TRMT11: variants seen among roughly 807,000 people sequenced by gnomAD.
The protein encoded by TRMT11 is tRNA methyltransferase 11, also known as tRNA (guanine(10)-N(2))-methyltransferase TRMT11.
A neutral mutation model predicts 62.8 loss-of-function variants in TRMT11; 53 were observed. That is an observed-to-expected ratio of 0.84 (90% CI 0.68 to 1.06). The LOEUF (loss-of-function observed/expected upper bound fraction) is 1.06. TRMT11 is among the 50% of genes least tolerant of loss of function. The probability of loss-of-function intolerance (pLI) is 0.00; values close to 1 mark genes in which losing one functional copy is unlikely to be tolerated. For synonymous variants in TRMT11, 188 were observed against 190.3 expected (o/e 0.99, Z 0.10); for missense variants, 556 against 553.4 (o/e 1.00, Z -0.05).
chr6:126,152,584 A>G (rs1330828764), intron 21 of TRMT11, among the ~76,000 whole-genome samples: 4 of 152,232 alleles, frequency 2.6e-5, no homozygotes, highest in African/African-American at 9.6e-5. Context: ...ATGGGGATTA[A>G]GAGATTACAA....
intron 17 of TRMT11, among the ~76,000 whole-genome samples, chr6:126,105,502 A>T (rs904363866): frequency 5.9e-5 from 9 of 152,110 alleles, no homozygotes; most frequent in African/African-American, 2.2e-4. Context: ...AAGTACCTGG[A>T]AGCCAGATGA....
the TRMT11 span, among the ~76,000 whole-genome samples, chr6:126,237,707 T>C: frequency 6.6e-6 from 1 of 151,922 alleles, no homozygotes; most frequent in South Asian, 2.1e-4. Context: ...ATAAAAAGTC[T>C]CTTAAAGAAA....
intron 17 of TRMT11, among the ~76,000 whole-genome samples, chr6:126,112,044 A>G (rs1258915589): frequency 6.6e-6 from 1 of 152,150 alleles, no homozygotes; most frequent in African/African-American, 2.4e-5. Context: ...GAGAAGGCAT[A>G]AAAGATGACA....
intron 12 of TRMT11, among the ~76,000 whole-genome samples, chr6:126,029,577 TA>T (rs1369228109): frequency 6.6e-6 from 1 of 152,182 alleles, no homozygotes; most frequent in African/African-American, 2.4e-5. Context: ...TATGGAAATT[TA>T]AAAAACTCAC....
intron 12 of TRMT11, among the ~76,000 whole-genome samples, chr6:126,028,837 CTATTT>C (rs1171319407): frequency 6.6e-6 from 1 of 152,122 alleles, no homozygotes; most frequent in Admixed American, 6.5e-5. Context: ...TTAGAAATAA[CTATTT>C]TATTTGCAGA....
intron 17 of TRMT11, among the ~76,000 whole-genome samples, chr6:126,093,609 A>ATTTTTTTTTTTTTTTTTTT (rs1562321359): frequency 2.2e-5 from 2 of 91,040 alleles, no homozygotes; most frequent in African/African-American, 1.4e-4. Context: ...ATATATATAT[A>ATTTTTTTTTTTTTTTTTTT]TATATATATA....
chr6:126,037,174 G>T (rs189025625), intron 12 of TRMT11, among the ~76,000 whole-genome samples: 6 of 152,046 alleles, frequency 3.9e-5, no homozygotes, highest in Admixed American at 2.0e-4. Flanking sequence ...GTAATTAAGG[G>T]TGCAGTCTTT....
chr6:126,012,962 T>C lies in TRMT11; in HGVS notation c.1008-8T>C, dbSNP rs1269419409. On this transcript the variant is annotated splice_region_variant and splice_polypyrimidine_tract_variant and intron_variant, in intron 10 of 12. Transcript: ENST00000334379. ...CACTGATTTTGAAATTTTCTTTTCT[T>C]TGTGTAGTCCAGAAAGCCATGTTCC... 1 of 1,609,958 alleles carries C rather than the reference T, an allele frequency of 6.2e-7. No homozygotes were observed. The highest frequency in any genetic ancestry group is 2.2e-5 in the East Asian group (1 of 44,798).
chr6:126,180,585 G>A (rs1478548759), intron 1 of TRMT11, among the ~76,000 whole-genome samples: 2 of 152,152 alleles, frequency 1.3e-5, no homozygotes, highest in African/African-American at 4.8e-5. Flanking sequence ...TGTAAAGAAG[G>A]TAGTAAGTTT....
the TRMT11 span, among the ~76,000 whole-genome samples, chr6:126,213,855 C>T: frequency 6.6e-6 from 1 of 151,994 alleles, no homozygotes; most frequent in Admixed American, 6.5e-5. Context: ...TTTATTCTTT[C>T]CCATTTGGGA....
At chr6:126,099,583 C>T (rs778091469) in intron 17 of TRMT11, among the ~76,000 whole-genome samples, 4 of 152,090 alleles carry the variant, frequency 2.6e-5, no homozygotes, top group Non-Finnish European at 5.9e-5. Flanking sequence ...CCCATCTCTA[C>T]TAAAAATTCA....
At chr6:126,142,254 T>C (rs1777925449) in intron 21 of TRMT11, among the ~76,000 whole-genome samples, 1 of 152,024 alleles carries the variant, frequency 6.6e-6, no homozygotes, top group Non-Finnish European at 1.5e-5. Flanking sequence ...AAGTCATATT[T>C]GCATTGCTTT....
chr6:126,047,724 G>A (rs1221304030), intron 16 of TRMT11, among the ~76,000 whole-genome samples: 2 of 152,162 alleles, frequency 1.3e-5, no homozygotes, highest in Admixed American at 6.5e-5. Context: ...GCCCAAAAGC[G>A]CTCGCCCAGC....
chr6:126,264,453 C>A, the TRMT11 span, among the ~76,000 whole-genome samples: 7 of 152,042 alleles, frequency 4.6e-5, no homozygotes, highest in Non-Finnish European at 7.4e-5. Context: ...TTCACAAGGA[C>A]GGAGGTTCAG....
chr6:126,182,655 A>G (rs1300144364), intron 1 of TRMT11, among the ~76,000 whole-genome samples: 1 of 151,970 alleles, frequency 6.6e-6, no homozygotes, highest in African/African-American at 2.4e-5. Flanking sequence ...GTACAATACT[A>G]TACTACATTT....
intron 1 of TRMT11, among the ~76,000 whole-genome samples, chr6:125,989,001 G>A (rs1041033510): frequency 1.3e-5 from 2 of 152,130 alleles, no homozygotes; most frequent in African/African-American, 4.8e-5. Context: ...GCACAGAGGT[G>A]TGATTGGTTA....
chr6:126,037,112 C>T (rs1775332651), intron 12 of TRMT11, among the ~76,000 whole-genome samples: 2 of 152,016 alleles, frequency 1.3e-5, no homozygotes, highest in African/African-American at 2.4e-5. Context: ...GCTCCTCCTG[C>T]TTCTTGAGTT....
chr6:126,243,554 G>C, the TRMT11 span, among the ~76,000 whole-genome samples: 1 of 152,128 alleles, frequency 6.6e-6, no homozygotes, highest in African/African-American at 2.4e-5. Context: ...AACAATGATA[G>C]ACTGGATTAA....
chr6:126,038,784 T>A lies in TRMT11; in HGVS notation c.1340T>A (p.Phe447Tyr), dbSNP rs1775691292. 4.4e-6 allele frequency: 7 copies of A among 1,606,706 alleles called. No individual in the cohort carries two copies. The highest frequency in any genetic ancestry group is 5.9e-6 in the Non-Finnish European group (7 of 1,176,858). The stretch of plus-strand genomic sequence containing the variant: ...CATAATTCCTTCCGTGAGAAATATT[T>A]TAGTGGGGTAACAAAAAGAATTGCC... The part of the protein sequence containing the change: ...QGHNSFREKY[F>Y]SGVTKRIAKE... Residue 447 changes from phenylalanine to tyrosine, a missense_variant, in exon 13 of 13, where the codon TTT becomes TAT. Phe to Tyr is a conservative substitution (Grantham distance 22). Coordinates refer to ENST00000334379, the MANE Select transcript of TRMT11 (RefSeq NM_001031712.3).
Sources: gnomAD v4.1 joint callset for allele counts (sites outside exome capture counted in the v4.1 genomes callset) on GRCh38, gnomAD v4.1.1 for gene constraint, MANE v1.5 for transcripts, NCBI Gene and HGNC (gene_info 2026-07-23, HGNC 2026-07-21) for gene names.